SLC41A3: variants seen among roughly 807,000 people sequenced by gnomAD.
The protein encoded by SLC41A3 is solute carrier family 41 member 3.
In SLC41A3, 44 loss-of-function variants were observed where a neutral mutation model predicts 45.4. The ratio of observed to expected loss-of-function variants is 0.97; its 90% CI spans 0.76 to 1.25. The LOEUF (loss-of-function observed/expected upper bound fraction) is 1.25. SLC41A3 is among the 50% of genes most tolerant of loss of function. SLC41A3 has a pLI of 0.00. For synonymous variants in SLC41A3, 256 were observed against 252.4 expected, an observed-to-expected ratio of 1.01 and a Z score of -0.13; for missense variants, 550 against 600.6, an observed-to-expected ratio of 0.92 and a Z score of 0.88.
chr3:126,100,459 C>T (rs1166507055), intron 1 of SLC41A3, among the ~76,000 whole-genome samples: 2 of 152,160 alleles, frequency 1.3e-5, no homozygotes, highest in African/African-American at 2.4e-5. Flanking sequence ...CTGGATCCAG[C>T]GTGCTGCCAC....
At chr3:126,022,737 GC>G (rs750260539) in intron 6 of SLC41A3, 48 bp downstream of exon 6, 15 of 1,607,786 alleles carry the variant, frequency 9.3e-6, no homozygotes, top group Middle Eastern at 1.7e-4. Flanking sequence ...CTGCTCCAGG[GC>G]CCCCCCTCCA....
At chr3:126,010,838 C>T (rs1397227028) in intron 9 of SLC41A3, among the ~76,000 whole-genome samples, 2 of 152,232 alleles carry the variant, frequency 1.3e-5, no homozygotes, top group African/African-American at 4.8e-5. Context: ...TAACAAGGTG[C>T]TCCTCTTCTC....
intron 2 of SLC41A3, among the ~76,000 whole-genome samples, chr3:126,066,258 T>G (rs1005664635): frequency 2.6e-5 from 4 of 152,190 alleles, no homozygotes; most frequent in African/African-American, 9.7e-5. Context: ...AGGCTCGCAG[T>G]CCAGTATCCA....
chr3:126,032,521 C>T (rs183146454), intron 4 of SLC41A3, among the ~76,000 whole-genome samples: 13 of 152,358 alleles, frequency 8.5e-5, no homozygotes, highest in African/African-American at 2.9e-4. Flanking sequence ...ATGGTGACAA[C>T]TTCACAACAA....
chr3:126,066,867 C>G (rs1482776835), intron 2 of SLC41A3, among the ~76,000 whole-genome samples: 2 of 152,164 alleles, frequency 1.3e-5, no homozygotes, highest in Non-Finnish European at 2.9e-5. Flanking sequence ...TGTAGGACTG[C>G]TCTCTCTGGT....
chr3:126,060,669 C>T (rs765406367), intron 2 of SLC41A3, among the ~76,000 whole-genome samples: 3 of 148,888 alleles, frequency 2.0e-5, no homozygotes, highest in Non-Finnish European at 4.5e-5. Context: ...GAGAAGAAAA[C>T]ATGTCAACAC....
At position 126,026,418 on chromosome 3, in the gene SLC41A3, G is replaced by A. The variant is rs1031985589; in HGVS notation, c.515C>T (p.Ser172Phe). 3 of 1,597,098 alleles carry A rather than the reference G, an allele frequency of 1.9e-6. No homozygotes were observed. In the Admixed American group the frequency reaches 5.2e-5, roughly 28 times the overall value. The change falls in exon 5 of 11, where the codon TCT (serine) becomes TTT (phenylalanine). Residue 172 changes from serine (S) to phenylalanine (F), a missense_variant. Ser to Phe is a radical substitution (Grantham distance 155, BLOSUM62 -2). Coordinates refer to ENST00000360370, the MANE Select transcript of SLC41A3 (RefSeq NM_017836.4). This position sits in a 1 kb window ranked among gnomAD's most constrained non-coding sequence, Gnocchi z 4.2. ...CTTGGCGACATCCACTTCCTCTCGA[G>A]ACACCACGCCCAACAGCAGCGCAGC... ...AVAALLLGVV[S>F]REEVDVAKVE...
intron 1 of SLC41A3, among the ~76,000 whole-genome samples, chr3:126,096,390 C>T (rs117576715): frequency 1.9e-5 from 2 of 107,480 alleles, no homozygotes; most frequent in Non-Finnish European, 4.6e-5. Context: ...AGCCCCCCCA[C>T]CCCAAAAAAA....
At chr3:126,060,463 T>TACACACACACACACACAC in intron 2 of SLC41A3, among the ~76,000 whole-genome samples, 1 of 44,462 alleles carries the variant, frequency 2.2e-5, no homozygotes, top group African/African-American at 7.2e-5. Context: ...CACACACACG[T>TACACACACACACACACAC]GCATGCACAG....
At chr3:126,040,352 A>G (rs539668338) in intron 3 of SLC41A3, among the ~76,000 whole-genome samples, 1 of 152,338 alleles carries the variant, frequency 6.6e-6, no homozygotes, top group African/African-American at 2.4e-5. Context: ...AAGAAGAGGT[A>G]TCTATGCTGT....
rs150174867 is a variant in SLC41A3, at chr3:126,041,372, G to A, written c.382-7694C>T. Among the ~76,000 whole-genome samples, 846 of 152,216 alleles carry A rather than the reference G, an allele frequency of 5.6e-3. 8 individuals are homozygous for A. Among genetic ancestry groups the A allele is most frequent in the African/African-American group, 0.019 (807 of 41,526 alleles). On this transcript the variant is annotated intron_variant, in intron 3 of 10. Transcript: ENST00000360370. Reference sequence around the variant, plus strand: ...TTGAAAAACTCCAAGATACATGCAAGATAATGCGAAAAACTCTATGCCAGA... The same window carrying A: ...TTGAAAAACTCCAAGATACATGCAAAATAATGCGAAAAACTCTATGCCAGA...
At chr3:126,072,245 A>G (rs1944654385) in intron 1 of SLC41A3, among the ~76,000 whole-genome samples, 1 of 152,224 alleles carries the variant, frequency 6.6e-6, no homozygotes, top group South Asian at 2.1e-4. Context: ...TTAAAAAGAA[A>G]TGAACAAATT....
chr3:126,072,661 C>T (rs1331914067), intron 1 of SLC41A3, among the ~76,000 whole-genome samples: 1 of 152,212 alleles, frequency 6.6e-6, no homozygotes, highest in Non-Finnish European at 1.5e-5. Context: ...TGCTTATACA[C>T]TGCTTGTGGG....
chr3:126,083,425 C>T (rs4600781), intron 1 of SLC41A3, among the ~76,000 whole-genome samples: 98,544 of 152,048 alleles, frequency 0.65, 32,163 homozygotes, highest in Middle Eastern at 0.71. Context: ...AAATAAATAA[C>T]GGGATTTTAA....
chr3:126,030,092 C>T (rs1379904111), intron 4 of SLC41A3, among the ~76,000 whole-genome samples: 3 of 147,452 alleles, frequency 2.0e-5, no homozygotes, highest in Non-Finnish European at 4.5e-5. Context: ...AAATATAATA[C>T]ATATGTAATA....
chr3:126,064,021 C>T (rs1271515497), intron 2 of SLC41A3, among the ~76,000 whole-genome samples: 1 of 150,798 alleles, frequency 6.6e-6, no homozygotes, highest in East Asian at 2.0e-4. Context: ...TGGACAAGAG[C>T]ACCACATGGT....
chr3:126,017,870 G>A (rs373721411), intron 6 of SLC41A3, among the ~76,000 whole-genome samples: 4 of 152,300 alleles, frequency 2.6e-5, no homozygotes, highest in Admixed American at 6.5e-5. Flanking sequence ...GTAGGAGGGC[G>A]TGGCCTCTGC....
intron 2 of SLC41A3, among the ~76,000 whole-genome samples, chr3:126,064,788 C>A (rs1466199295): frequency 6.6e-6 from 1 of 152,240 alleles, no homozygotes; most frequent in African/African-American, 2.4e-5. Context: ...TCCCAGTCCA[C>A]CCACAGAGCC....
At chr3:126,071,833 T>G (rs918845108) in intron 1 of SLC41A3, among the ~76,000 whole-genome samples, 2 of 151,536 alleles carry the variant, frequency 1.3e-5, no homozygotes, top group African/African-American at 4.9e-5. Context: ...TGCAATGGCA[T>G]GATCACAGCT....
Sources: gnomAD v4.1 joint callset for allele counts (sites outside exome capture counted in the v4.1 genomes callset) on GRCh38, gnomAD v4.1.1 for gene constraint, Gnocchi (gnomAD v3.1) non-coding constraint, MANE v1.5 for transcripts, NCBI Gene and HGNC (gene_info 2026-07-23, HGNC 2026-07-21) for gene names.